The following CHN1 variants were observed in gnomAD, a reference collection of about 807,000 sequenced individuals.
CHN1 encodes N-chimaerin.
A neutral mutation model predicts 59.5 loss-of-function variants in CHN1; 37 were observed. The observed-to-expected ratio is 0.62, with a 90% confidence interval of 0.48 to 0.82. CHN1 has a LOEUF of 0.82. Ranked by LOEUF, CHN1 falls within the 40% of genes least tolerant of loss-of-function variation. The pLI is 0.00. For synonymous variants in CHN1, 206 were observed against 200.4 expected, an observed-to-expected ratio of 1.03 and a Z score of -0.24; for missense variants, 469 against 571.0, an observed-to-expected ratio of 0.82 and a Z score of 1.82.
chr2:174,866,180 G>C (rs1357366037), intron 6 of CHN1, among the ~76,000 whole-genome samples: 1 of 152,086 alleles, frequency 6.6e-6, no homozygotes, highest in East Asian at 1.9e-4. Context: ...AAGAAATTAA[G>C]GGAGGAAAAG....
At chr2:174,832,179 T>C (rs1685902768) in intron 7 of CHN1, among the ~76,000 whole-genome samples, 1 of 152,102 alleles carries the variant, frequency 6.6e-6, no homozygotes, top group South Asian at 2.1e-4. Flanking sequence ...AATGCAAGTA[T>C]TCCTATACTA....
At chr2:174,834,388 T>TCCA (rs1029368225) in intron 7 of CHN1, among the ~76,000 whole-genome samples, 2 of 152,234 alleles carry the variant, frequency 1.3e-5, no homozygotes, top group African/African-American at 4.8e-5. Flanking sequence ...GTTCTAAATT[T>TCCA]CCACCTGGTA....
chr2:174,846,528 CCTCTCATAAAAT>C, intron 7 of CHN1: 1 of 1,348,204 alleles, frequency 7.4e-7, no homozygotes, highest in Non-Finnish European at 9.8e-7. Flanking sequence ...CAGATCTAAT[CCTCTCATAAAAT>C]CTCCAACAGA....
intron 7 of CHN1, among the ~76,000 whole-genome samples, chr2:174,839,225 T>G (rs1686203213): frequency 6.6e-6 from 1 of 152,210 alleles, no homozygotes; most frequent in South Asian, 2.1e-4. Flanking sequence ...TCTCAATGTA[T>G]TCTTATACAT....
At chr2:174,872,819 G>A (rs1478952407) in intron 6 of CHN1, among the ~76,000 whole-genome samples, 1 of 152,126 alleles carries the variant, frequency 6.6e-6, no homozygotes, top group Non-Finnish European at 1.5e-5. Context: ...ATGGGCACCT[G>A]GTTGGGGACT....
intron 7 of CHN1, among the ~76,000 whole-genome samples, chr2:174,828,347 A>C (rs185685763): frequency 6.6e-6 from 1 of 152,370 alleles, no homozygotes; most frequent in Admixed American, 6.5e-5. Context: ...ATTAAACAAA[A>C]AGTGATGAAT....
At chr2:174,862,109 G>A (rs1204229703) in intron 6 of CHN1, among the ~76,000 whole-genome samples, 1 of 151,880 alleles carries the variant, frequency 6.6e-6, no homozygotes, top group Non-Finnish European at 1.5e-5. Flanking sequence ...CTTACTAATA[G>A]AGACATGAAA....
At position 175,005,293 on chromosome 2, in the gene CHN1, C is replaced by G. The variant is rs773429566; in HGVS notation, c.-381G>C. The G allele has an allele frequency of 5.8e-6, 7 of 1,199,708 alleles. No individual in the cohort carries two copies. Among genetic ancestry groups the G allele is most frequent in the South Asian group, 3.4e-5 (2 of 59,014 alleles). 74.3% of individuals were successfully genotyped at this position (1,199,708 alleles called of 1,614,324 possible). A position where few individuals can be genotyped will look rare whatever the true frequency, so the allele number is the denominator to read the frequency against. On this transcript the variant is annotated 5_prime_UTR_variant, in exon 1 of 13. Transcript: ENST00000409900. ...GCGGCGGCGGCGGCGACGGGGAGAG[C>G]AGCAGCAGCCTCGCACAGCCCCCGG...
intron 3 of CHN1, among the ~76,000 whole-genome samples, chr2:174,924,424 C>T (rs1247523565): frequency 6.6e-6 from 1 of 152,122 alleles, no homozygotes; most frequent in African/African-American, 2.4e-5. Flanking sequence ...GTATATAACC[C>T]CCAAGTCTAA....
At chr2:174,836,479 C>T (rs990923404) in intron 7 of CHN1, among the ~76,000 whole-genome samples, 1 of 152,088 alleles carries the variant, frequency 6.6e-6, no homozygotes, top group Non-Finnish European at 1.5e-5. Context: ...AATTTTCAAC[C>T]CCCTTTATAC....
chr2:175,005,021 A>T lies in CHN1; in HGVS notation c.-109T>A. The T allele has an allele frequency of 1.4e-6, 2 of 1,446,558 alleles. No homozygotes were observed. Among genetic ancestry groups the T allele is most frequent in the Non-Finnish European group, 1.8e-6 (2 of 1,095,292 alleles). The allele number at this position is 1,446,558 out of a possible 1,614,324, so 89.6% of individuals were successfully genotyped here. On this transcript the variant is annotated 5_prime_UTR_variant, in exon 1 of 13. Transcript: ENST00000409900. ...CACCTCGGAGAGAGTGGGGTGCCCG[A>T]TGGGGCGTGCTGGGGGCGCCGGCGC...
chr2:174,815,434 T>C (rs1280315072), intron 8 of CHN1, among the ~76,000 whole-genome samples: 5 of 152,206 alleles, frequency 3.3e-5, no homozygotes, highest in Admixed American at 1.3e-4. Context: ...ACTTGGATAA[T>C]TTCTACTTAT....
At chr2:174,916,977 A>C (rs1462968480) in intron 4 of CHN1, among the ~76,000 whole-genome samples, 2 of 152,220 alleles carry the variant, frequency 1.3e-5, no homozygotes, top group East Asian at 3.8e-4. Context: ...GGATCAACTG[A>C]GGTCAGGAGT....
At position 174,832,965 on chromosome 2, in the gene CHN1, T is replaced by C. The variant is rs533229506; in HGVS notation, c.628-8447A>G. 3.9e-5 allele frequency among the ~76,000 whole-genome samples: 6 copies of C among 152,238 alleles called. No individual in the cohort carries two copies. The South Asian group carries it at 1.0e-3, about 26-fold the overall frequency. On this transcript the variant is annotated intron_variant, in intron 7 of 12. Coordinates refer to ENST00000409900, the MANE Select transcript of CHN1 (RefSeq NM_001822.7). ...GGGTAAAAATAAGGTATTATACTCT[T>C]ATGGGACCACTGTCATAACTGTGGT...
At chr2:174,897,443 G>GTA (rs992196543) in intron 5 of CHN1, among the ~76,000 whole-genome samples, 25 of 150,808 alleles carry the variant, frequency 1.7e-4, no homozygotes, top group Admixed American at 4.0e-4. Context: ...GTGTGTGTGT[G>GTA]TATATACGTA....
At chr2:174,922,049 A>G (rs968917731) in intron 3 of CHN1, among the ~76,000 whole-genome samples, 6 of 152,164 alleles carry the variant, frequency 3.9e-5, no homozygotes, top group Non-Finnish European at 8.8e-5. Context: ...TTGTTCCATA[A>G]TAATTTCTCT....
intron 5 of CHN1, among the ~76,000 whole-genome samples, chr2:174,897,271 C>T (rs1256911762): frequency 2.6e-5 from 4 of 152,066 alleles, no homozygotes; most frequent in South Asian, 2.1e-4. Flanking sequence ...TTGTTTGGCA[C>T]ATTATAATGT....
intron 4 of CHN1, among the ~76,000 whole-genome samples, chr2:174,916,910 G>T (rs1688863096): frequency 6.6e-6 from 1 of 152,172 alleles, no homozygotes; most frequent in African/African-American, 2.4e-5. Context: ...TCAATTAACT[G>T]GCTGGGCGCA....
At chr2:174,825,984 A>G (rs1281450899) in intron 7 of CHN1, among the ~76,000 whole-genome samples, 1 of 152,264 alleles carries the variant, frequency 6.6e-6, no homozygotes. Flanking sequence ...ACAGAATATC[A>G]GAATTCAAAA....
Sources: gnomAD v4.1 joint callset for allele counts (sites outside exome capture counted in the v4.1 genomes callset) on GRCh38, gnomAD v4.1.1 for gene constraint, MANE v1.5 for transcripts, NCBI Gene and HGNC (gene_info 2026-07-23, HGNC 2026-07-21) for gene names.